Variants in EPB41 observed in about 807,000 individuals in gnomAD.
The protein encoded by EPB41 is erythrocyte membrane protein band 4.1, also known as protein 4.1.
EPB41 carries 65 observed loss-of-function variants against 108.0 expected under a neutral mutation model. The observed-to-expected ratio is 0.60, with a 90% CI of 0.49 to 0.74. The LOEUF (loss-of-function observed/expected upper bound fraction) is 0.74, where lower values mean the gene tolerates loss of function less well. Among genes scored for constraint, EPB41 ranks in the 30% least tolerant of loss-of-function variants. The probability of loss-of-function intolerance (pLI) is 0.00; values close to 1 mark genes in which losing one functional copy is unlikely to be tolerated. For synonymous variants in EPB41, 336 were observed against 358.9 expected, an observed-to-expected ratio of 0.94 and a Z score of 0.72; for missense variants, 875 against 1,037.0, an observed-to-expected ratio of 0.84 and a Z score of 2.15.
rs2093116159 is a variant in EPB41, at chr1:28,921,959, T to TATATATATATATATATATAC, written c.-8+7194_-8+7195insTATATATATATATATACATA. 6.1e-5 allele frequency among the ~76,000 whole-genome samples: 7 copies of TATATATATATATATATATAC among 114,874 alleles called. No homozygotes were observed. In the South Asian group the frequency reaches 2.7e-3, roughly 45 times the overall value. 75.4% of individuals were successfully genotyped at this position (114,874 alleles called of 152,430 possible). Reference sequence around the variant, plus strand: ...AATTTTATATATATATATATATATATATACACTTTTTTTTTGTTTTTTTTT... The same window carrying TATATATATATATATATATAC: ...AATTTTATATATATATATATATATATATATATATATATATATATACATACACTTTTTTTTTGTTTTTTTTT... On this transcript the variant is annotated intron_variant, in intron 1 of 20. Coordinates refer to ENST00000343067, the MANE Select transcript of EPB41 (RefSeq NM_001376013.1).
chr1:28,991,702 C>CAA (rs59227691), intron 2 of EPB41, among the ~76,000 whole-genome samples: 10,140 of 98,240 alleles, frequency 0.1, 644 homozygotes, highest in East Asian at 0.36. Context: ...ACTCTTGTCT[C>CAA]AAAAAAAAAA....
Position 28,997,282 on chromosome 1 carries a change from A to G in EPB41, c.749A>G (p.Tyr250Cys). The part of the protein sequence containing the change: ...CEHLNLLEED[Y>C]FGLAIWDNAT... ...CATCTCAATCTTTTGGAAGAAGACT[A>G]TTTTGGTCTAGCCATTTGGGATAAC... The change falls in exon 4 of 21, where the codon TAT becomes TGT. Residue 250 changes from tyrosine to cysteine, a missense_variant. By Grantham distance (194) the Tyr-to-Cys change is radical. Around this residue, in one of 3 missense-constraint regions of EPB41, gnomAD observed 353 missense variants for 393.2 expected, o/e 0.90. Transcript: ENST00000343067. 6.2e-7 allele frequency: 1 copy of G among 1,614,122 alleles called. No individual in the cohort carries two copies. The highest frequency in any genetic ancestry group is 8.5e-7 in the Non-Finnish European group (1 of 1,179,938).
intron 1 of EPB41, among the ~76,000 whole-genome samples, chr1:28,927,975 T>C (rs1381034983): frequency 6.6e-6 from 1 of 152,152 alleles, no homozygotes; most frequent in African/African-American, 2.4e-5. Flanking sequence ...CTTGCTGACC[T>C]CAGAGGTGCT....
At chr1:28,965,419 G>A (rs1022495994) in intron 1 of EPB41, among the ~76,000 whole-genome samples, 1 of 152,038 alleles carries the variant, frequency 6.6e-6, no homozygotes. Context: ...TTGGGGTTTA[G>A]TATAGGGTAT....
intron 19 of EPB41, among the ~76,000 whole-genome samples, chr1:29,114,381 G>C (rs1018927632): frequency 6.6e-6 from 1 of 152,170 alleles, no homozygotes; most frequent in African/African-American, 2.4e-5. Context: ...GTTGGCTCAC[G>C]CCTATAATCC....
intron 16 of EPB41, among the ~76,000 whole-genome samples, chr1:29,081,615 C>A (rs1431789564): frequency 1.3e-5 from 2 of 152,132 alleles, no homozygotes; most frequent in Non-Finnish European, 2.9e-5. Flanking sequence ...CTGGGTGGAT[C>A]GCCTGAGGTC....
chr1:28,954,431 T>C (rs1052409265), intron 1 of EPB41, among the ~76,000 whole-genome samples: 1 of 152,264 alleles, frequency 6.6e-6, no homozygotes, highest in Non-Finnish European at 1.5e-5. Flanking sequence ...TTGAGGTTGC[T>C]GTTCCTTAAA....
At chr1:28,902,387 T>C in intron 1 of EPB41, 2 of 985,358 alleles carry the variant, frequency 2.0e-6, no homozygotes, top group Non-Finnish European at 2.4e-6. Context: ...ATGTCATTAT[T>C]GGTAATTAGC....
chr1:28,912,572 A>G (rs776177806), upstream of EPB41, among the ~76,000 whole-genome samples: 1 of 152,054 alleles, frequency 6.6e-6, no homozygotes, highest in Non-Finnish European at 1.5e-5. Context: ...TGAGCTAGGC[A>G]CTGCTCTAAG....
chr1:29,076,908 A>C (rs578212935), intron 16 of EPB41, among the ~76,000 whole-genome samples: 3 of 152,292 alleles, frequency 2.0e-5, no homozygotes, highest in East Asian at 3.9e-4. Flanking sequence ...CACTGTCTCT[A>C]AAAAAATTTT....
intron 17 of EPB41, among the ~76,000 whole-genome samples, chr1:29,108,154 T>A (rs1242284304): frequency 1.3e-5 from 2 of 150,990 alleles, no homozygotes; most frequent in African/African-American, 4.9e-5. Context: ...ATTTCTTTTT[T>A]TTTTTTTTTT....
At chr1:29,091,799 A>T (rs556036876) in intron 16 of EPB41, among the ~76,000 whole-genome samples, 1 of 152,294 alleles carries the variant, frequency 6.6e-6, no homozygotes, top group East Asian at 1.9e-4. Context: ...ATTTGTTATC[A>T]GCCAATGAAA....
At chr1:28,905,385 T>A (rs1214991886) in intron 1 of EPB41, among the ~76,000 whole-genome samples, 1 of 151,182 alleles carries the variant, frequency 6.6e-6, no homozygotes, top group African/African-American at 2.4e-5. Flanking sequence ...TAATCCCAGC[T>A]ACTCGGGAAG....
intron 14 of EPB41, 32 bp from the exon 15 acceptor site, chr1:29,060,390 C>T (rs759445632): frequency 6.2e-7 from 1 of 1,600,982 alleles, no homozygotes; most frequent in Admixed American, 1.7e-5. Flanking sequence ...ATTTTTTATG[C>T]TTTTCTGTTT....
At chr1:29,033,559 A>C (rs1420762008) in intron 9 of EPB41, among the ~76,000 whole-genome samples, 6 of 152,204 alleles carry the variant, frequency 3.9e-5, no homozygotes, top group Admixed American at 3.9e-4. Flanking sequence ...GTAGCATGAG[A>C]TTTTAAAATT....
At chr1:29,068,281 C>A (rs1337609224) in intron 16 of EPB41, among the ~76,000 whole-genome samples, 1 of 152,144 alleles carries the variant, frequency 6.6e-6, no homozygotes, top group Non-Finnish European at 1.5e-5. Flanking sequence ...TGACTCTGTG[C>A]AAGTAATAAA....
At chr1:29,019,392 A>G (rs546908058) in intron 7 of EPB41, among the ~76,000 whole-genome samples, 2 of 152,344 alleles carry the variant, frequency 1.3e-5, no homozygotes, top group South Asian at 2.1e-4. Flanking sequence ...TACTGAATAC[A>G]ATGTCACAAT....
At chr1:29,004,066 A>G (rs2096355367) in intron 4 of EPB41, among the ~76,000 whole-genome samples, 1 of 152,228 alleles carries the variant, frequency 6.6e-6, no homozygotes, top group African/African-American at 2.4e-5. Flanking sequence ...CCAGCCCAGA[A>G]GCAAACTTCT....
chr1:28,967,305 A>G (rs1407320497), intron 1 of EPB41, among the ~76,000 whole-genome samples: 2 of 152,224 alleles, frequency 1.3e-5, no homozygotes, highest in African/African-American at 4.8e-5. Flanking sequence ...GGCGTGAGCC[A>G]CCACGCTCGG....
Sources: allele counts gnomAD v4.1 joint callset (sites outside exome capture counted in the v4.1 genomes callset), GRCh38; gene constraint gnomAD v4.1.1; regional missense constraint gnomAD v4.1.1; transcripts MANE v1.5; gene names NCBI Gene and HGNC (gene_info 2026-07-23, HGNC 2026-07-21).